The following COL23A1 variants were observed in gnomAD, a reference collection of about 807,000 sequenced individuals.
The protein encoded by COL23A1 is collagen type XXIII alpha 1 chain.
In COL23A1, 97 loss-of-function variants were observed where a neutral mutation model predicts 99.3. That is an observed-to-expected ratio of 0.98 (90% CI 0.83 to 1.16). COL23A1 has a LOEUF of 1.16. Ranked by LOEUF, COL23A1 falls within the 50% of genes most tolerant of loss-of-function variation. The pLI, the probability that COL23A1 is intolerant of heterozygous loss-of-function variation, is 0.00. For missense variants in COL23A1, 762 were observed against 757.4 expected (o/e 1.01, Z -0.07); for synonymous variants, 320 against 308.2 (o/e 1.04, Z -0.40).
intron 19 of COL23A1, 29 bp downstream of exon 19, chr5:178,249,088 G>A (rs1225027750): frequency 1.9e-5 from 30 of 1,605,650 alleles, no homozygotes; most frequent in Non-Finnish European, 2.5e-5. Flanking sequence ...CACAGGAGGC[G>A]TAATGTGTGG....
chr5:178,443,605 C>T (rs1196391147), intron 2 of COL23A1, among the ~76,000 whole-genome samples: 3 of 150,322 alleles, frequency 2.0e-5, no homozygotes, highest in African/African-American at 7.5e-5. Context: ...GGATTACAGG[C>T]GCTCGCCACC....
intron 2 of COL23A1, among the ~76,000 whole-genome samples, chr5:178,380,044 T>C (rs965224519): frequency 6.6e-6 from 1 of 152,200 alleles, no homozygotes; most frequent in African/African-American, 2.4e-5. Flanking sequence ...GGCTAGTTCC[T>C]GAACCGATGC....
At chr5:178,324,556 C>T (rs980351001) in intron 2 of COL23A1, among the ~76,000 whole-genome samples, 3 of 152,150 alleles carry the variant, frequency 2.0e-5, no homozygotes, top group African/African-American at 4.8e-5. Context: ...TCACGCAAGT[C>T]GCTCCGTTGC....
intron 2 of COL23A1, among the ~76,000 whole-genome samples, chr5:178,451,874 GAA>G (rs1389558493): frequency 6.6e-6 from 1 of 151,988 alleles, no homozygotes; most frequent in Non-Finnish European, 1.5e-5. Flanking sequence ...AGTAAGATTT[GAA>G]ACAGTGGAGA....
chr5:178,413,328 C>T (rs1005160521), intron 2 of COL23A1, among the ~76,000 whole-genome samples: 3 of 152,176 alleles, frequency 2.0e-5, no homozygotes, highest in African/African-American at 7.2e-5. Context: ...CCCTTGAATG[C>T]TTGTAGAATA....
At position 178,355,682 on chromosome 5, in the gene COL23A1, G is replaced by A. The variant is rs182374293; in HGVS notation, c.362-48763C>T. Among the ~76,000 whole-genome samples, 366 of 152,192 alleles carry A rather than the reference G, an allele frequency of 2.4e-3. 2 individuals are homozygous for A. Among genetic ancestry groups the A allele is most frequent in the African/African-American group, 7.9e-3 (326 of 41,518 alleles). ...CGAGTAGCTGGGACCACAGGCTCAC[G>A]CCGCCAAGGATGTTAGCCAGAATGG... On this transcript the variant is annotated intron_variant, in intron 2 of 28. Transcript: ENST00000390654.
chr5:178,358,707 G>A (rs1320737592), intron 2 of COL23A1, among the ~76,000 whole-genome samples: 3 of 147,266 alleles, frequency 2.0e-5, no homozygotes, highest in African/African-American at 7.8e-5. Flanking sequence ...ATGTGTATGT[G>A]TGTATGTGTG....
In COL23A1 at chr5:178,393,149, C is replaced by A. The variant is rs189375410; in HGVS notation, c.362-86230G>T. Reference sequence around the variant, plus strand: ...TTGCATGCATATAAAACATCTGGCTCGAGAGATGGCCCTGGCAGGGAGCAT... The same window carrying A: ...TTGCATGCATATAAAACATCTGGCTAGAGAGATGGCCCTGGCAGGGAGCAT... On this transcript the variant is annotated intron_variant, in intron 2 of 28. Transcript: ENST00000390654. Among the ~76,000 whole-genome samples, 7 of 152,298 alleles carry A rather than the reference C, an allele frequency of 4.6e-5. No homozygotes were observed. In the East Asian group the frequency reaches 9.6e-4, roughly 21 times the overall value.
intron 8 of COL23A1, among the ~76,000 whole-genome samples, chr5:178,266,537 C>T (rs903496707): frequency 6.6e-6 from 1 of 152,096 alleles, no homozygotes; most frequent in Non-Finnish European, 1.5e-5. Flanking sequence ...GAGAGGGCAT[C>T]CCCTTTTGGA....
At position 178,549,218 on chromosome 5, in the gene COL23A1, T is replaced by C. The variant is rs969568493; in HGVS notation, c.361+11464A>G. Among the ~76,000 whole-genome samples the C allele has an allele frequency of 8.6e-4, 130 of 151,818 alleles. 2 individuals carry two copies. Among genetic ancestry groups the C allele is most frequent in the Admixed American group, 4.6e-4 (7 of 15,242 alleles). On this transcript the variant is annotated intron_variant, in intron 2 of 28. Coordinates refer to ENST00000390654, the MANE Select transcript of COL23A1 (RefSeq NM_173465.4). ...CATGTTGGTCAGGCTGGTCTCGAAC[T>C]CCTGACCTCAGGTTATCCACCCGCC...
At chr5:178,414,359 G>A (rs1223213470) in intron 2 of COL23A1, among the ~76,000 whole-genome samples, 1 of 152,046 alleles carries the variant, frequency 6.6e-6, no homozygotes, top group Non-Finnish European at 1.5e-5. Flanking sequence ...ACCTGGCAGA[G>A]GGTCTGGGAG....
Position 178,589,952 on chromosome 5 carries a change from G to T in COL23A1, c.246C>A (p.Gly82=). ...GCGGCTCGGCCCAGGCGTCCAGGGC[G>T]CCTGGCGGCCCCGCGCGCCGCAGCA... is the stretch of plus-strand genomic sequence containing the variant. ...RELLRRAGPP[G]ALDAWAEPHL... Residue 82 remains glycine, a synonymous_variant, in exon 1 of 29, where the codon GGC becomes GGA. Transcript: ENST00000390654. The surrounding 1 kb of genome is among the most constrained non-coding windows in gnomAD (Gnocchi z 5.4). 1 of 1,328,410 alleles carries T rather than the reference G, an allele frequency of 7.5e-7. No homozygotes were observed. Among genetic ancestry groups the T allele is most frequent in the Non-Finnish European group, 9.6e-7 (1 of 1,046,538 alleles). The allele number at this position is 1,328,410 out of a possible 1,614,324, so 82.3% of individuals were successfully genotyped here.
At chr5:178,291,208 AGAAT>A (rs1757439803) in intron 3 of COL23A1, among the ~76,000 whole-genome samples, 1 of 152,182 alleles carries the variant, frequency 6.6e-6, no homozygotes, top group Non-Finnish European at 1.5e-5. Flanking sequence ...ACCTCACTCG[AGAAT>A]GAGGCCACAC....
At chr5:178,249,683 A>AACACACACACAC (rs746295532) in intron 18 of COL23A1, among the ~76,000 whole-genome samples, 108 of 118,354 alleles carry the variant, frequency 9.1e-4, no homozygotes, top group African/African-American at 4.2e-3. Context: ...TGTATAGGAT[A>AACACACACACAC]ACACACACAC....
At chr5:178,547,910 AT>A (rs1761769512) in intron 2 of COL23A1, among the ~76,000 whole-genome samples, 1 of 8,196 alleles carries the variant, frequency 1.2e-4, no homozygotes, top group African/African-American at 4.1e-4. Context: ...CCATACACAC[AT>A]CCCACACGCA....
chr5:178,406,725 G>T (rs1764784406), intron 2 of COL23A1, among the ~76,000 whole-genome samples: 1 of 152,076 alleles, frequency 6.6e-6, no homozygotes, highest in Admixed American at 6.5e-5. Flanking sequence ...ACCGCGCCTG[G>T]CTACCTACAC....
intron 2 of COL23A1, among the ~76,000 whole-genome samples, chr5:178,349,044 G>A (rs1018817062): frequency 4.6e-5 from 7 of 152,126 alleles, no homozygotes; most frequent in African/African-American, 1.2e-4. Context: ...GTCTTCCTGC[G>A]TCTTGCCGGG....
intron 5 of COL23A1, among the ~76,000 whole-genome samples, chr5:178,274,859 A>G (rs1183138269): frequency 6.6e-6 from 1 of 152,184 alleles, no homozygotes; most frequent in African/African-American, 2.4e-5. Flanking sequence ...TGCCTGATCA[A>G]AGCCCTTGAA....
chr5:178,447,130 G>A (rs111438237), intron 2 of COL23A1, among the ~76,000 whole-genome samples: 1 of 149,028 alleles, frequency 6.7e-6, no homozygotes, highest in Admixed American at 6.7e-5. Flanking sequence ...GTCTTGCTCT[G>A]TCACCCAGGC....
Sources: allele counts gnomAD v4.1 joint callset (sites outside exome capture counted in the v4.1 genomes callset), GRCh38; gene constraint gnomAD v4.1.1; non-coding constraint Gnocchi (gnomAD v3.1); transcripts MANE v1.5; gene names NCBI Gene and HGNC (gene_info 2026-07-23, HGNC 2026-07-21).